The following CPT1A variants were observed in gnomAD, a reference collection of about 807,000 sequenced individuals.
CPT1A encodes the protein carnitine O-palmitoyltransferase 1, liver isoform.
In CPT1A, 64 loss-of-function variants were observed where a neutral mutation model predicts 100.8. The ratio of observed to expected loss-of-function variants is 0.63; its 90% CI spans 0.52 to 0.78. The LOEUF is 0.78. CPT1A is among the 30% of genes least tolerant of loss of function. The pLI is 0.00. For missense variants in CPT1A, 802 were observed against 1,034.1 expected, an observed-to-expected ratio of 0.78 and a Z score of 3.08; for synonymous variants, 363 against 396.0, an observed-to-expected ratio of 0.92 and a Z score of 0.99.
chr11:68,840,853 C>T (rs1014017739), intron 1 of CPT1A, among the ~76,000 whole-genome samples: 3 of 152,216 alleles, frequency 2.0e-5, no homozygotes, highest in African/African-American at 7.2e-5. Context: ...AGGCCAAGTT[C>T]GCCAGGGCAC....
At chr11:68,761,305 C>T (rs1043554643) in intron 16 of CPT1A, among the ~76,000 whole-genome samples, 1 of 150,964 alleles carries the variant, frequency 6.6e-6, no homozygotes, top group Middle Eastern at 3.4e-3. Context: ...CGTAAGCTCT[C>T]GAGGTCTTCG....
rs190436783 is a variant in CPT1A, at chr11:68,779,117, G to A, written c.1458+1523C>T. Among the ~76,000 whole-genome samples the A allele has an allele frequency of 8.1e-4, 124 of 152,168 alleles. 2 individuals carry two copies. The highest frequency in any genetic ancestry group is 7.6e-3 in the East Asian group (39 of 5,142). Reference sequence around the variant, plus strand: ...TTTCTAATTTCAGACACACAAACCCGGCTCCATGCCCTATCAAGAACAGCG... The same window carrying A: ...TTTCTAATTTCAGACACACAAACCCAGCTCCATGCCCTATCAAGAACAGCG... On this transcript the variant is annotated intron_variant, in intron 12 of 18. Coordinates refer to ENST00000265641, the MANE Select transcript of CPT1A (RefSeq NM_001876.4).
intron 1 of CPT1A, among the ~76,000 whole-genome samples, chr11:68,837,450 T>G (rs375670578): frequency 1.1e-3 from 167 of 152,236 alleles, no homozygotes; most frequent in Middle Eastern, 6.8e-3. Context: ...CCAGGGCTGG[T>G]GGGCGAAGCA....
intron 1 of CPT1A, among the ~76,000 whole-genome samples, chr11:68,838,572 T>TTTAAAAAAAAAAA (rs1491356211): frequency 1.0e-5 from 1 of 95,514 alleles, no homozygotes; most frequent in African/African-American, 5.1e-5. Flanking sequence ...TGCACCTTTT[T>TTTAAAAAAAAAAA]AAAAAAAAAA....
At chr11:68,783,615 C>G (rs1002690600) in intron 10 of CPT1A, among the ~76,000 whole-genome samples, 1 of 152,242 alleles carries the variant, frequency 6.6e-6, no homozygotes, top group East Asian at 1.9e-4. Flanking sequence ...ACTGCTGGAA[C>G]GCAGCAGCTC....
In CPT1A at chr11:68,794,880, T is replaced by C. The variant is rs1276951153; in HGVS notation, c.803A>G (p.Gln268Arg). Residue 268 changes from glutamine (Q) to arginine (R), a missense_variant, in exon 8 of 19, where the codon CAG becomes CGG. By Grantham distance (43) the Gln-to-Arg change is conservative. Around this residue, in one of 4 missense-constraint regions of CPT1A, gnomAD observed 627 missense variants for 799.3 expected, o/e 0.78. Transcript: ENST00000265641. ...GATGGCGTTGCCGGCTCTTGCTGCC[T>C]GAATGTGAGTTGGAAGGATATACAG... is the stretch of plus-strand genomic sequence containing the variant. ...DLLYILPTHIQAARAGNAIHA... is the reference protein window; with the variant it reads ...DLLYILPTHIRAARAGNAIHA... 1 of 1,614,088 alleles carries C rather than the reference T, an allele frequency of 6.2e-7. No homozygotes were observed. Among genetic ancestry groups the C allele is most frequent in the African/African-American group, 1.3e-5 (1 of 74,938 alleles).
Position 68,773,325 on chromosome 11 carries a change from C to T in CPT1A, c.1680G>A (p.Lys560=). The T allele has an allele frequency of 6.2e-7, 1 of 1,614,184 alleles. No individual in the cohort carries two copies. Among genetic ancestry groups the T allele is most frequent in the African/African-American group, 1.3e-5 (1 of 75,038 alleles). The change falls in exon 14 of 19, where the codon AAG becomes AAA. Residue 560 remains lysine, a synonymous_variant. Transcript: ENST00000265641. ...AGGCGTCTGGGCTCGTGCGACATTT[C>T]TTGATGATTCCTTTACCAAAGGCTA... ...PFVAFGKGII[K]KCRTSPDAFV... is the part of the protein sequence containing the mutation.
Position 68,816,195 on chromosome 11 carries a change from C to CCCTA in CPT1A, c.-13-712_-13-709dup, listed in dbSNP as rs1234138142. 2.0e-5 allele frequency among the ~76,000 whole-genome samples: 3 copies of CCCTA among 151,190 alleles called. No homozygotes were observed. The East Asian group carries it at 5.8e-4, about 29-fold the overall frequency. ...GAGTCCACGAAGGAGCCCACGACAG[C>CCCTA]CCTAGACTCTGAACTTCGAGCGCAG... is the stretch of plus-strand genomic sequence containing the variant. On this transcript the variant is annotated intron_variant, in intron 1 of 18. Transcript: ENST00000265641.
rs948750006 is a variant in CPT1A at position 68,791,495 on chromosome 11, A to C, written c.967+1820T>G. Among the ~76,000 whole-genome samples, 33 of 152,238 alleles carry C rather than the reference A, an allele frequency of 2.2e-4. 1 individual carries two copies. Among genetic ancestry groups the C allele is most frequent in the African/African-American group, 7.5e-4 (31 of 41,470 alleles). On this transcript the variant is annotated intron_variant, in intron 9 of 18. Coordinates refer to ENST00000265641, the MANE Select transcript of CPT1A (RefSeq NM_001876.4). Reference sequence around the variant, plus strand: ...TGTGGCAGGAAGAGAGGAGGGGTTTAGCCAGAAACACTGTGAAATCCGTGA... The same window carrying C: ...TGTGGCAGGAAGAGAGGAGGGGTTTCGCCAGAAACACTGTGAAATCCGTGA...
chr11:68,833,532 G>A (rs775341378), intron 1 of CPT1A, among the ~76,000 whole-genome samples: 7 of 152,192 alleles, frequency 4.6e-5, no homozygotes, highest in African/African-American at 7.2e-5. Context: ...CAAGGTGGGC[G>A]GATCACCTGA....
intron 9 of CPT1A, among the ~76,000 whole-genome samples, chr11:68,787,272 T>G (rs951218875): frequency 1.3e-5 from 2 of 151,658 alleles, no homozygotes; most frequent in East Asian, 3.9e-4. Flanking sequence ...CCATCTCTAC[T>G]AAAAATACAA....
chr11:68,757,726 G>C lies in CPT1A; in HGVS notation c.2240C>G (p.Ser747Cys). 1 of 1,613,706 alleles carries C rather than the reference G, an allele frequency of 6.2e-7. No homozygotes were observed. Among genetic ancestry groups the C allele is most frequent in the Non-Finnish European group, 8.5e-7 (1 of 1,179,796 alleles). The change falls in exon 19 of 19, where the codon TCT (serine) becomes TGT (cysteine). Residue 747 changes from serine (S) to cysteine (C), a missense_variant. This residue lies in a region of CPT1A where 627 missense variants were observed against 799.3 expected (regional missense o/e 0.78). Coordinates refer to ENST00000265641, the MANE Select transcript of CPT1A (RefSeq NM_001876.4). ...TTTCAGGTGCCTTCCAAAGCGATGAGAATCCTTTCATGTAAAAACAAAAAC... is the reference window on the plus strand; with the variant it reads ...TTTCAGGTGCCTTCCAAAGCGATGACAATCCTTTCATGTAAAAACAAAAAC... The part of the protein sequence containing the change: ...SSKFSCPETD[S>C]HRFGRHLKEA...
rs112367346 is a variant in CPT1A, at chr11:68,764,056, A to T, written c.1741-1295T>A. Among the ~76,000 whole-genome samples, 1,147 of 152,294 alleles carry T rather than the reference A, an allele frequency of 7.5e-3. 12 individuals are homozygous for T. Among genetic ancestry groups the T allele is most frequent in the African/African-American group, 0.026 (1,088 of 41,578 alleles). ...GGCCTAGAGAGGACAGCACGGCAGGAGGGGCTGATGCCCCTGAGGCTGAGC... is the reference window on the plus strand; with the variant it reads ...GGCCTAGAGAGGACAGCACGGCAGGTGGGGCTGATGCCCCTGAGGCTGAGC... On this transcript the variant is annotated intron_variant, in intron 14 of 18. Transcript: ENST00000265641.
chr11:68,757,280 C>A lies in CPT1A; in HGVS notation c.*364G>T. 8.6e-7 allele frequency: 1 copy of A among 1,157,298 alleles called. No homozygotes were observed. The allele number at this position is 1,157,298 out of a possible 1,614,324, so 71.7% of individuals were successfully genotyped here. A position where few individuals can be genotyped will look rare whatever the true frequency, so the allele number is the denominator to read the frequency against. On this transcript the variant is annotated 3_prime_UTR_variant, in exon 19 of 19. Coordinates refer to ENST00000265641, the MANE Select transcript of CPT1A (RefSeq NM_001876.4). ...ATGCTAAATGCCCTTAAGCACTAGG[C>A]CTTCGGTTGCCACTGAGAAAGCACA...
chr11:68,818,366 C>T (rs1049408069), intron 1 of CPT1A, among the ~76,000 whole-genome samples: 2 of 152,124 alleles, frequency 1.3e-5, no homozygotes, highest in East Asian at 1.9e-4. Flanking sequence ...GGACCTGCCA[C>T]ATGTGAAATG....
At chr11:68,776,516 A>C (rs1171149891) in intron 12 of CPT1A, among the ~76,000 whole-genome samples, 2 of 152,216 alleles carry the variant, frequency 1.3e-5, no homozygotes, top group Non-Finnish European at 2.9e-5. Flanking sequence ...ATACACACAG[A>C]AAGATTAGTG....
At chr11:68,812,679 G>A (rs1202266432) in intron 2 of CPT1A, 103 bp from the exon 3 acceptor site, 12 of 1,395,404 alleles carry the variant, frequency 8.6e-6, no homozygotes, top group African/African-American at 1.4e-5. Flanking sequence ...AGCAGGCAGT[G>A]AGAAGAGGGT....
chr11:68,800,592 G>A (rs536061993), intron 5 of CPT1A, among the ~76,000 whole-genome samples: 1 of 152,290 alleles, frequency 6.6e-6, no homozygotes, highest in South Asian at 2.1e-4. Flanking sequence ...CTTGGGCCCA[G>A]GAGTTCAAAG....
In CPT1A at chr11:68,757,682, T is replaced by A; in HGVS notation, c.2284A>T (p.Ile762Phe). 6.2e-7 allele frequency: 1 copy of A among 1,614,210 alleles called. No individual in the cohort carries two copies. The highest frequency in any genetic ancestry group is 8.5e-7 in the Non-Finnish European group (1 of 1,180,044). ...TTAGAACTGAGACCAAACAAAGTGA[T>A]GATGTCAGTCATTGCTTCTTTCAGG... ...RHLKEAMTDI[I>F]TLFGLSSNSK... is the part of the protein sequence containing the mutation. The change falls in exon 19 of 19, where the codon ATC (isoleucine) becomes TTC (phenylalanine). Residue 762 changes from isoleucine (I) to phenylalanine (F), a missense_variant. Physicochemically the swap from Ile to Phe is conservative, Grantham distance 21 (BLOSUM62 0). Transcript: ENST00000265641.
Sources: gnomAD v4.1 joint callset for allele counts (sites outside exome capture counted in the v4.1 genomes callset) on GRCh38, gnomAD v4.1.1 for gene constraint, gnomAD v4.1.1 regional missense constraint, MANE v1.5 for transcripts, NCBI Gene and HGNC (gene_info 2026-07-23, HGNC 2026-07-21) for gene names.